The following PDE1C variants were observed in gnomAD, a reference collection of about 807,000 sequenced individuals.
The protein encoded by PDE1C is phosphodiesterase 1C, also known as dual specificity calcium/calmodulin-dependent 3',5'-cyclic nucleotide phosphodiesterase 1C.
PDE1C carries 62 observed loss-of-function variants against 93.1 expected under a neutral mutation model. That is an observed-to-expected ratio of 0.67 (90% CI 0.54 to 0.82). PDE1C has a LOEUF of 0.82. Among genes scored for constraint, PDE1C ranks in the 40% least tolerant of loss-of-function variants. PDE1C has a pLI of 0.00. For synonymous variants in PDE1C, 325 were observed against 310.1 expected, an observed-to-expected ratio of 1.05 and a Z score of -0.50; for missense variants, 742 against 884.6, an observed-to-expected ratio of 0.84 and a Z score of 2.04.
intron 1 of PDE1C, among the ~76,000 whole-genome samples, chr7:32,346,742 T>C (rs1219691117): frequency 6.6e-6 from 1 of 152,160 alleles, no homozygotes; most frequent in Non-Finnish European, 1.5e-5. Context: ...TAAAACACCA[T>C]GCAGTAACAA....
intron 2 of PDE1C, among the ~76,000 whole-genome samples, chr7:32,029,766 T>G (rs1408506136): frequency 1.3e-5 from 2 of 152,094 alleles, no homozygotes; most frequent in Non-Finnish European, 2.9e-5. Context: ...TTCAAGGCAA[T>G]GAACATTGAT....
Position 31,930,889 on chromosome 7 carries a change from C to CTATCAAGT in PDE1C, c.129-50037_129-50030dup, listed in dbSNP as rs527269735. Among the ~76,000 whole-genome samples the CTATCAAGT allele has an allele frequency of 4.2e-3, 588 of 140,168 alleles. 2 individuals carry two copies. Among genetic ancestry groups the CTATCAAGT allele is most frequent in the African/African-American group, 0.015 (570 of 37,854 alleles). 92.0% of individuals were successfully genotyped at this position (140,168 alleles called of 152,430 possible). A position where few individuals can be genotyped will look rare whatever the true frequency, so the allele number is the denominator to read the frequency against. The stretch of plus-strand genomic sequence containing the variant: ...AAAAAAAAAAAAAGCTTATCCACCA[C>CTATCAAGT]TATCAAGTTGGCTTCATCCCTGGGA... On this transcript the variant is annotated intron_variant, in intron 2 of 17. Transcript: ENST00000396191.
intron 3 of PDE1C, among the ~76,000 whole-genome samples, chr7:32,095,953 C>T (rs557492652): frequency 1.3e-5 from 2 of 152,260 alleles, no homozygotes; most frequent in Middle Eastern, 3.4e-3. Flanking sequence ...CCAATATTTC[C>T]CATAATATTA....
At chr7:31,767,421 C>T (rs1039956024) in intron 17 of PDE1C, among the ~76,000 whole-genome samples, 4 of 152,006 alleles carry the variant, frequency 2.6e-5, no homozygotes, top group South Asian at 2.1e-4. Context: ...TAAAAGTGTG[C>T]GGCACCTCCT....
At chr7:31,919,651 C>T (rs549691889) in intron 2 of PDE1C, among the ~76,000 whole-genome samples, 2 of 152,274 alleles carry the variant, frequency 1.3e-5, no homozygotes, top group Non-Finnish European at 2.9e-5. Flanking sequence ...ACCAAAAAAG[C>T]AAGATCTTCA....
At chr7:32,177,187 A>C (rs1237812240) in intron 2 of PDE1C, among the ~76,000 whole-genome samples, 3 of 152,202 alleles carry the variant, frequency 2.0e-5, no homozygotes, top group Non-Finnish European at 4.4e-5. Flanking sequence ...TAAGGTCTTG[A>C]CCAAGTTTCT....
At chr7:32,207,111 G>T (rs916668417) in intron 2 of PDE1C, among the ~76,000 whole-genome samples, 1 of 152,082 alleles carries the variant, frequency 6.6e-6, no homozygotes, top group Non-Finnish European at 1.5e-5. Context: ...GAAGGGGCCT[G>T]GTAGATCCAG....
At chr7:32,075,297 G>A (rs1440908383), upstream of PDE1C, among the ~76,000 whole-genome samples, 2 of 152,166 alleles carry the variant, frequency 1.3e-5, no homozygotes, top group Non-Finnish European at 2.9e-5. Flanking sequence ...CATTTTTCAC[G>A]ACTTGGCAGT....
intron 1 of PDE1C, among the ~76,000 whole-genome samples, chr7:32,369,068 A>C (rs577769293): frequency 6.6e-6 from 1 of 152,266 alleles, no homozygotes; most frequent in East Asian, 1.9e-4. Flanking sequence ...GGAATGCTTC[A>C]GGATCTTTGT....
the PDE1C span, among the ~76,000 whole-genome samples, chr7:31,685,713 T>C: frequency 6.6e-6 from 1 of 152,086 alleles, no homozygotes. Context: ...GCACTGAAAA[T>C]AAAATAAAAT....
chr7:31,645,077 G>T, the PDE1C span, among the ~76,000 whole-genome samples: 1 of 152,202 alleles, frequency 6.6e-6, no homozygotes. Flanking sequence ...AGAACTGAGA[G>T]AGTTTAAATA....
intron 2 of PDE1C, among the ~76,000 whole-genome samples, chr7:32,193,920 T>TGTG (rs201916516): frequency 4.8e-5 from 7 of 144,794 alleles, no homozygotes; most frequent in Admixed American, 3.5e-4. Context: ...TGTTTTGTTT[T>TGTG]TTTTTTTTTT....
chr7:31,852,052 T>G (rs1408913094), intron 7 of PDE1C, among the ~76,000 whole-genome samples: 1 of 152,156 alleles, frequency 6.6e-6, no homozygotes, highest in Non-Finnish European at 1.5e-5. Context: ...TAAAATAGAT[T>G]CATATGATTT....
chr7:31,790,108 G>T (rs2128658377), intron 16 of PDE1C: 1 of 1,535,808 alleles, frequency 6.5e-7, no homozygotes, highest in Non-Finnish European at 8.7e-7. Context: ...GTCAGGGGGT[G>T]GGGGGCTTGT....
chr7:32,139,188 C>A (rs1167946590), intron 3 of PDE1C, among the ~76,000 whole-genome samples: 1 of 151,686 alleles, frequency 6.6e-6, no homozygotes. Flanking sequence ...CAGGCTGGGG[C>A]ACAATGGCAT....
chr7:32,008,451 T>A (rs553006456), intron 2 of PDE1C, among the ~76,000 whole-genome samples: 1 of 152,210 alleles, frequency 6.6e-6, no homozygotes, highest in African/African-American at 2.4e-5. Flanking sequence ...CAGTCTCTGA[T>A]GAACTACACT....
At chr7:31,999,727 A>G (rs1468156944) in intron 2 of PDE1C, among the ~76,000 whole-genome samples, 1 of 152,228 alleles carries the variant, frequency 6.6e-6, no homozygotes, top group Non-Finnish European at 1.5e-5. Flanking sequence ...TTTACACTTT[A>G]CCATATACAA....
intron 2 of PDE1C, among the ~76,000 whole-genome samples, chr7:32,197,016 A>C (rs1804672227): frequency 6.6e-6 from 1 of 152,166 alleles, no homozygotes. Context: ...CTAACACTTT[A>C]GGGGTTTCTA....
intron 3 of PDE1C, among the ~76,000 whole-genome samples, chr7:32,164,356 A>T (rs1802094252): frequency 6.6e-6 from 1 of 152,248 alleles, no homozygotes. Flanking sequence ...TAAAATATGT[A>T]TCAAAATATA....
Sources: allele counts gnomAD v4.1 joint callset (sites outside exome capture counted in the v4.1 genomes callset), GRCh38; gene constraint gnomAD v4.1.1; transcripts MANE v1.5; gene names NCBI Gene and HGNC (gene_info 2026-07-23, HGNC 2026-07-21).